PARD3B: variants seen among roughly 807,000 people sequenced by gnomAD.
PARD3B encodes par-3 family cell polarity regulator beta.
PARD3B carries 103 observed loss-of-function variants against 130.2 expected under a neutral mutation model. The ratio of observed to expected loss-of-function variants is 0.79; its 90% CI spans 0.67 to 0.93. The LOEUF (loss-of-function observed/expected upper bound fraction) is 0.93. PARD3B is among the 40% of genes least tolerant of loss of function. The pLI is 0.00. For missense variants in PARD3B, 1,609 were observed against 1,499.2 expected (o/e 1.07, Z -1.21); for synonymous variants, 583 against 553.2 (o/e 1.05, Z -0.76).
Position 204,553,695 on chromosome 2 carries a change from TACAC to T in PARD3B, c.120+7580_120+7583del, listed in dbSNP as rs57144543. 9.4e-4 allele frequency among the ~76,000 whole-genome samples: 85 copies of T among 90,732 alleles called. 1 individual carries two copies. The highest frequency in any genetic ancestry group is 4.5e-3 in the African/African-American group (78 of 17,278). The allele number at this position is 90,732 out of a possible 152,430, so 59.5% of individuals were successfully genotyped here. A position where few individuals can be genotyped will look rare whatever the true frequency, so the allele number is the denominator to read the frequency against. ...ATATATATATATATATATATATATA[TACAC>T]ACATATATATAAAGGAATACACCTC... On this transcript the variant is annotated intron_variant, in intron 1 of 22. Coordinates refer to ENST00000406610, the MANE Select transcript of PARD3B (RefSeq NM_001302769.2).
intron 16 of PARD3B, among the ~76,000 whole-genome samples, chr2:205,256,139 A>G (rs1350861855): frequency 6.6e-6 from 1 of 151,780 alleles, no homozygotes; most frequent in African/African-American, 2.4e-5. Flanking sequence ...CCAAATATAT[A>G]TTTTATATTA....
intron 16 of PARD3B, among the ~76,000 whole-genome samples, chr2:205,297,726 A>C (rs1285403496): frequency 6.6e-6 from 1 of 152,156 alleles, no homozygotes; most frequent in African/African-American, 2.4e-5. Context: ...TCCAGGAATA[A>C]ATAGAATTTT....
At chr2:205,110,663 A>G (rs977804959) in intron 5 of PARD3B, among the ~76,000 whole-genome samples, 1 of 142,708 alleles carries the variant, frequency 7.0e-6, no homozygotes, top group Non-Finnish European at 1.5e-5. Context: ...AGTGGCTGTC[A>G]ACCGCTTTTT....
intron 22 of PARD3B, among the ~76,000 whole-genome samples, chr2:205,579,138 T>C (rs2053871174): frequency 6.6e-6 from 1 of 152,220 alleles, no homozygotes. Flanking sequence ...TAATTGTTTA[T>C]TTTTGTGGGC....
At chr2:204,878,713 T>G (rs1408671763) in intron 2 of PARD3B, among the ~76,000 whole-genome samples, 1 of 152,178 alleles carries the variant, frequency 6.6e-6, no homozygotes, top group Non-Finnish European at 1.5e-5. Flanking sequence ...TATATATAAA[T>G]TTAATTTTTA....
chr2:205,518,586 G>A (rs914469000), intron 21 of PARD3B, among the ~76,000 whole-genome samples: 1 of 152,096 alleles, frequency 6.6e-6, no homozygotes, highest in Non-Finnish European at 1.5e-5. Flanking sequence ...TACATTCAAG[G>A]TTAATATTGA....
intron 18 of PARD3B, among the ~76,000 whole-genome samples, chr2:205,400,483 A>C (rs558905400): frequency 2.0e-4 from 30 of 152,242 alleles, no homozygotes; most frequent in African/African-American, 6.7e-4. Flanking sequence ...TCTACTAAAA[A>C]TACAAAAATT....
chr2:205,480,626 T>C (rs2049195581), intron 20 of PARD3B, among the ~76,000 whole-genome samples: 1 of 152,186 alleles, frequency 6.6e-6, no homozygotes, highest in Admixed American at 6.5e-5. Flanking sequence ...GTAAGAGTCT[T>C]GAAGGATTTC....
chr2:205,350,212 A>C (rs1313078555), intron 18 of PARD3B, among the ~76,000 whole-genome samples: 1 of 152,222 alleles, frequency 6.6e-6, no homozygotes, highest in Admixed American at 6.5e-5. Flanking sequence ...GGAGACTTTG[A>C]AGAGCCTCTC....
chr2:205,356,233 G>A (rs955402323), intron 18 of PARD3B, among the ~76,000 whole-genome samples: 3 of 152,162 alleles, frequency 2.0e-5, no homozygotes, highest in South Asian at 2.1e-4. Flanking sequence ...TAGGGATGGT[G>A]TAGCCAAGAA....
chr2:205,591,490 A>C lies in PARD3B; in HGVS notation c.3261-23966A>C, dbSNP rs2054384648. Among the ~76,000 whole-genome samples, 1 of 152,226 alleles carries C rather than the reference A, an allele frequency of 6.6e-6. No individual in the cohort carries two copies. Among genetic ancestry groups the C allele is most frequent in the Non-Finnish European group, 1.5e-5 (1 of 68,040 alleles). On this transcript the variant is annotated intron_variant, in intron 22 of 22. Coordinates refer to ENST00000406610, the MANE Select transcript of PARD3B (RefSeq NM_001302769.2). The surrounding 1 kb of genome is among the most constrained non-coding windows in gnomAD (Gnocchi z 4.2). ...CCATGCACCATGCTGAGTGCTTTAC[A>C]GACTTTCTCATTTAACCCTCCTAGC...
rs188184107 is a variant in PARD3B at position 204,797,864 on chromosome 2, C to T, written c.222+111582C>T. On this transcript the variant is annotated intron_variant, in intron 2 of 22. Coordinates refer to ENST00000406610, the MANE Select transcript of PARD3B (RefSeq NM_001302769.2). ...CCCCATTACTTTAGTTGACTTAAAA[C>T]GCAATTTGAAATCACATTACTTTAG... Among the ~76,000 whole-genome samples the T allele has an allele frequency of 2.2e-3, 330 of 152,200 alleles. 3 individuals are homozygous for T. In the South Asian group the frequency reaches 0.034, roughly 16 times the overall value.
intron 1 of PARD3B, among the ~76,000 whole-genome samples, chr2:204,574,217 T>C (rs913955633): frequency 6.6e-6 from 1 of 152,210 alleles, no homozygotes; most frequent in Non-Finnish European, 1.5e-5. Context: ...TAGCTGTTGA[T>C]TAGAAACAAA....
intron 15 of PARD3B, among the ~76,000 whole-genome samples, chr2:205,224,697 A>G (rs1469853216): frequency 6.6e-6 from 1 of 152,028 alleles, no homozygotes; most frequent in Non-Finnish European, 1.5e-5. Context: ...TGCCTGGCTT[A>G]TTTCATTTAA....
chr2:205,232,129 T>C (rs1005353743), intron 15 of PARD3B, among the ~76,000 whole-genome samples: 1 of 152,202 alleles, frequency 6.6e-6, no homozygotes, highest in Non-Finnish European at 1.5e-5. Context: ...TCTTTCCAAG[T>C]AACTATATTC....
At chr2:205,197,813 T>G (rs1252376478) in intron 15 of PARD3B, among the ~76,000 whole-genome samples, 1 of 152,180 alleles carries the variant, frequency 6.6e-6, no homozygotes, top group Non-Finnish European at 1.5e-5. Context: ...AATTACTGTG[T>G]TCAGTCTGGA....
intron 15 of PARD3B, among the ~76,000 whole-genome samples, chr2:205,205,009 G>A (rs2037204592): frequency 6.6e-6 from 1 of 152,132 alleles, no homozygotes; most frequent in East Asian, 1.9e-4. Context: ...GCTTGATGGG[G>A]ATAGCATTAA....
intron 4 of PARD3B, among the ~76,000 whole-genome samples, chr2:205,083,177 G>A (rs937066535): frequency 2.0e-5 from 3 of 151,906 alleles, no homozygotes; most frequent in East Asian, 1.9e-4. Context: ...TCTTGGCCTC[G>A]CAAAGTGCTG....
chr2:205,134,344 G>T (rs1159973728), intron 10 of PARD3B, among the ~76,000 whole-genome samples: 1 of 127,894 alleles, frequency 7.8e-6, no homozygotes, highest in African/African-American at 2.7e-5. Flanking sequence ...ACAACATGGT[G>T]AAACCCCATC....
Sources: allele counts gnomAD v4.1 joint callset (sites outside exome capture counted in the v4.1 genomes callset), GRCh38; gene constraint gnomAD v4.1.1; non-coding constraint Gnocchi (gnomAD v3.1); transcripts MANE v1.5; gene names NCBI Gene and HGNC (gene_info 2026-07-23, HGNC 2026-07-21).